PTPRD: variants seen among roughly 807,000 people sequenced by gnomAD.
PTPRD encodes the protein protein tyrosine phosphatase receptor type D, also known as receptor-type tyrosine-protein phosphatase delta.
In PTPRD, 34 loss-of-function variants were observed where a neutral mutation model predicts 214.5. The observed-to-expected ratio is 0.16, with a 90% CI of 0.12 to 0.21. The LOEUF is 0.21. PTPRD is among the 10% of genes least tolerant of loss of function. PTPRD has a pLI of 1.00. For missense variants in PTPRD, 2,545 were observed against 2,398.7 expected (o/e 1.06, Z -1.27); for synonymous variants, 1,128 against 845.7 (o/e 1.33, Z -5.79).
rs147208462 is a variant in PTPRD, at chr9:10,319,971, C to T, written c.-545+20992G>A. ...TTTTTCAGTGAATTATTTCTAAACA[C>T]CAAATGTCATTTCTCATGGAAATTC... On this transcript the variant is annotated intron_variant, in intron 3 of 45. Coordinates refer to ENST00000381196, the MANE Select transcript of PTPRD (RefSeq NM_002839.4). Among the ~76,000 whole-genome samples the T allele has an allele frequency of 4.6e-3, 703 of 152,074 alleles. 8 individuals are homozygous for T. The highest frequency in any genetic ancestry group is 0.015 in the African/African-American group (637 of 41,530).
At position 8,518,332 on chromosome 9, in the gene PTPRD, A is replaced by G; in HGVS notation, c.1059T>C (p.Tyr353=). 6.2e-7 allele frequency: 1 copy of G among 1,614,162 alleles called. No individual in the cohort carries two copies. The highest frequency in any genetic ancestry group is 1.7e-4 in the Middle Eastern group (1 of 6,060). The change falls in exon 21 of 46, where the codon TAT becomes TAC. Residue 353 remains tyrosine, a synonymous_variant. Coordinates refer to ENST00000381196, the MANE Select transcript of PTPRD (RefSeq NM_002839.4). Reference sequence around the variant, plus strand: ...TTTTAGGTTTATGCTGAATTATGTAATAAGAAACAGGCTCAGGGTTCCCAG... The same window carrying G: ...TTTTAGGTTTATGCTGAATTATGTAGTAAGAAACAGGCTCAGGGTTCCCAG... ...WDSGNPEPVS[Y]YIIQHKPKNS...
At chr9:8,993,630 C>T (rs566223320) in intron 11 of PTPRD, among the ~76,000 whole-genome samples, 15 of 152,134 alleles carry the variant, frequency 9.9e-5, no homozygotes, top group African/African-American at 3.6e-4. Flanking sequence ...TTATATTTTT[C>T]CTGAGCTTAA....
chr9:9,599,645 A>G (rs1338961443), intron 7 of PTPRD, among the ~76,000 whole-genome samples: 1 of 147,572 alleles, frequency 6.8e-6, no homozygotes, highest in African/African-American at 2.5e-5. Context: ...CTTCTACTAT[A>G]CCATTTTTTC....
intron 5 of PTPRD, among the ~76,000 whole-genome samples, chr9:9,934,951 T>C (rs2088575582): frequency 6.6e-6 from 1 of 152,166 alleles, no homozygotes; most frequent in African/African-American, 2.4e-5. Flanking sequence ...TAATCCAGCA[T>C]ATAAACAGAG....
intron 8 of PTPRD, among the ~76,000 whole-genome samples, chr9:9,402,965 A>AG (rs2071320532): frequency 2.8e-5 from 1 of 36,254 alleles, no homozygotes; most frequent in Non-Finnish European, 5.7e-5. Flanking sequence ...TCTAATAGGG[A>AG]GAAAAAAAAA....
intron 7 of PTPRD, among the ~76,000 whole-genome samples, chr9:9,648,827 C>T (rs966743504): frequency 6.6e-6 from 1 of 152,124 alleles, no homozygotes; most frequent in African/African-American, 2.4e-5. Context: ...TAATGGCCCA[C>T]ACTCTCAAAT....
At chr9:9,703,675 C>G (rs1319575991) in intron 7 of PTPRD, among the ~76,000 whole-genome samples, 1 of 152,016 alleles carries the variant, frequency 6.6e-6, no homozygotes, top group East Asian at 1.9e-4. Context: ...TACAGTTTAC[C>G]TCCCTGAGAG....
chr9:9,352,981 G>A (rs1327985551), intron 9 of PTPRD, among the ~76,000 whole-genome samples: 2 of 151,896 alleles, frequency 1.3e-5, no homozygotes, highest in Non-Finnish European at 2.9e-5. Flanking sequence ...ACTGCTTGGT[G>A]TTGTTGTATC....
At chr9:10,300,473 T>TC (rs544726239) in intron 3 of PTPRD, among the ~76,000 whole-genome samples, 93 of 152,138 alleles carry the variant, frequency 6.1e-4, no homozygotes, top group Middle Eastern at 6.8e-3. Flanking sequence ...GCTCTGTGGG[T>TC]CCCCCCTCCA....
chr9:8,707,767 C>T (rs2098240027), intron 12 of PTPRD, among the ~76,000 whole-genome samples: 2 of 152,178 alleles, frequency 1.3e-5, no homozygotes, highest in South Asian at 4.1e-4. Context: ...TTATTGTCTA[C>T]AATAAATATT....
intron 9 of PTPRD, among the ~76,000 whole-genome samples, chr9:9,298,562 G>A (rs1242904602): frequency 6.6e-6 from 1 of 151,622 alleles, no homozygotes; most frequent in African/African-American, 2.4e-5. Context: ...TTTTTTGGAA[G>A]GTTGCAGAGG....
chr9:9,590,844 CTCTT>C (rs1299612690), intron 7 of PTPRD, among the ~76,000 whole-genome samples: 1 of 152,036 alleles, frequency 6.6e-6, no homozygotes, highest in Non-Finnish European at 1.5e-5. Flanking sequence ...ATGATATTAA[CTCTT>C]TCTCACGTAT....
At chr9:8,709,351 A>G (rs983859630) in intron 12 of PTPRD, among the ~76,000 whole-genome samples, 1 of 151,556 alleles carries the variant, frequency 6.6e-6, no homozygotes, top group African/African-American at 2.4e-5. Flanking sequence ...TGTCTCTACT[A>G]AAAAATACAA....
chr9:9,843,055 T>G (rs2058706454), intron 5 of PTPRD, among the ~76,000 whole-genome samples: 1 of 152,120 alleles, frequency 6.6e-6, no homozygotes, highest in Non-Finnish European at 1.5e-5. Context: ...AATAAGGTTT[T>G]ATTGGAACAC....
rs565893402 is a variant in PTPRD, at chr9:9,424,568, G to C, written c.-236-27086C>G. 5.9e-5 allele frequency among the ~76,000 whole-genome samples: 9 copies of C among 152,226 alleles called. No homozygotes were observed. In the South Asian group the frequency reaches 1.7e-3, roughly 28 times the overall value. ...GATACTACTAATTACAAAGATAATAGAATCAGAAGGCTTCTGATAAATGCC... is the reference window on the plus strand; with the variant it reads ...GATACTACTAATTACAAAGATAATACAATCAGAAGGCTTCTGATAAATGCC... On this transcript the variant is annotated intron_variant, in intron 8 of 45. Transcript: ENST00000381196.
chr9:10,417,085 G>C (rs554849785), intron 2 of PTPRD, among the ~76,000 whole-genome samples: 1 of 151,744 alleles, frequency 6.6e-6, no homozygotes, highest in African/African-American at 2.4e-5. Context: ...CAAACTGTGG[G>C]GTTGCAGATG....
intron 14 of PTPRD, among the ~76,000 whole-genome samples, chr9:8,569,695 T>A (rs2090524482): frequency 6.6e-6 from 1 of 152,080 alleles, no homozygotes; most frequent in South Asian, 2.1e-4. Flanking sequence ...AAAAGAGACT[T>A]TAAAACTTCC....
chr9:10,518,968 G>T (rs1284438487), intron 2 of PTPRD, among the ~76,000 whole-genome samples: 1 of 151,734 alleles, frequency 6.6e-6, no homozygotes, highest in Non-Finnish European at 1.5e-5. Flanking sequence ...CTTTTTCTGG[G>T]TAGATTATTT....
chr9:10,014,671 G>A (rs1374139608), intron 4 of PTPRD, among the ~76,000 whole-genome samples: 2 of 152,076 alleles, frequency 1.3e-5, no homozygotes, highest in East Asian at 1.9e-4. Context: ...GAAATGAAAC[G>A]TGAAATAAGA....
Sources: allele counts gnomAD v4.1 joint callset (sites outside exome capture counted in the v4.1 genomes callset), GRCh38; gene constraint gnomAD v4.1.1; transcripts MANE v1.5; gene names NCBI Gene and HGNC (gene_info 2026-07-23, HGNC 2026-07-21).